TMEM164: variants seen among roughly 807,000 people sequenced by gnomAD.
TMEM164 encodes transmembrane protein 164.
TMEM164 carries 4 observed loss-of-function variants against 18.8 expected under a neutral mutation model. The ratio of observed to expected loss-of-function variants is 0.21; its 90% CI spans 0.10 to 0.49. The LOEUF is 0.49. TMEM164 is among the 20% of genes least tolerant of loss of function. The pLI is 0.98. For missense variants in TMEM164, 108 were observed against 239.9 expected, an observed-to-expected ratio of 0.45 and a Z score of 3.63; for synonymous variants, 86 against 101.7, an observed-to-expected ratio of 0.85 and a Z score of 0.93.
chrX:110,108,629 C>G (rs747936645), intron 3 of TMEM164, among the ~76,000 whole-genome samples: 39 of 111,870 alleles, frequency 3.5e-4, no homozygotes, highest in Non-Finnish European at 6.6e-4. Flanking sequence ...CTGTTTAGGT[C>G]TCTGTTTGGG....
At chrX:110,034,893 A>G in intron 2 of TMEM164, among the ~76,000 whole-genome samples, 1 of 105,408 alleles carries the variant, frequency 9.5e-6, no homozygotes, top group Non-Finnish European at 2.0e-5. Context: ...TGTAGCCATA[A>G]AAAATGATGA....
At chrX:110,161,287 C>T (rs1293920865) in intron 5 of TMEM164, among the ~76,000 whole-genome samples, 1 of 111,817 alleles carries the variant, frequency 8.9e-6, no homozygotes, top group Non-Finnish European at 1.9e-5. Context: ...CTCCTCCATA[C>T]CATTGAGCCC....
intron 4 of TMEM164, among the ~76,000 whole-genome samples, chrX:110,125,082 C>T (rs1400610045): frequency 8.9e-6 from 1 of 112,292 alleles, no homozygotes; most frequent in Admixed American, 9.5e-5. Flanking sequence ...AATAGCCTGT[C>T]TCAGAGCCTG....
intron 2 of TMEM164, among the ~76,000 whole-genome samples, chrX:110,064,454 G>A (rs1481485343): frequency 9.0e-6 from 1 of 111,669 alleles, no homozygotes; most frequent in Non-Finnish European, 1.9e-5. Flanking sequence ...GTTCCATGTG[G>A]CTCTGTTGGC....
At chrX:110,012,628 C>T (rs140091283) in intron 2 of TMEM164, among the ~76,000 whole-genome samples, 1,439 of 111,927 alleles carry the variant, frequency 0.013, 24 homozygotes, top group African/African-American at 0.043. Context: ...ATGCTGACCC[C>T]CAGGGTTTCA....
chrX:110,021,706 A>G (rs749520924), intron 2 of TMEM164, among the ~76,000 whole-genome samples: 10 of 111,990 alleles, frequency 8.9e-5, no homozygotes, highest in South Asian at 3.7e-4. Context: ...TCTCAGGCCA[A>G]TTAAGCCTCT....
intron 3 of TMEM164, among the ~76,000 whole-genome samples, chrX:110,077,309 G>A (rs2065686751): frequency 9.0e-6 from 1 of 111,573 alleles, no homozygotes; most frequent in African/African-American, 3.3e-5. Flanking sequence ...TTGCATGATA[G>A]ATTTCTCTCT....
chrX:110,182,046 A>C (rs772223393), downstream of TMEM164, among the ~76,000 whole-genome samples: 1 of 111,275 alleles, frequency 9.0e-6, no homozygotes, highest in African/African-American at 3.3e-5. Flanking sequence ...TTTTAACATC[A>C]CTAAAATTGG....
intron 3 of TMEM164, among the ~76,000 whole-genome samples, chrX:110,108,067 GCT>G (rs2066233792): frequency 2.6e-5 from 1 of 39,049 alleles, no homozygotes; most frequent in Admixed American, 3.2e-4. Context: ...TAGGAGGTAT[GCT>G]GTGTGTGTGT....
chrX:110,088,068 A>G (rs756589847), intron 3 of TMEM164, among the ~76,000 whole-genome samples: 33 of 112,277 alleles, frequency 2.9e-4, no homozygotes, highest in Non-Finnish European at 5.3e-4. Flanking sequence ...ATGACAGTGC[A>G]GTATCCCCAT....
intron 4 of TMEM164, among the ~76,000 whole-genome samples, chrX:110,132,812 T>G (rs2066631186): frequency 8.9e-6 from 1 of 112,052 alleles, no homozygotes; most frequent in South Asian, 3.7e-4. Flanking sequence ...CTCAGTTTTC[T>G]CATCTTCAAA....
chrX:110,015,974 G>T (rs1441823251), intron 2 of TMEM164, among the ~76,000 whole-genome samples: 3 of 112,478 alleles, frequency 2.7e-5, no homozygotes, highest in South Asian at 7.3e-4. Context: ...TTTCAGGGGG[G>T]TATTGTCTTG....
At chrX:110,121,424 G>A (rs925191838) in intron 4 of TMEM164, among the ~76,000 whole-genome samples, 1 of 111,918 alleles carries the variant, frequency 8.9e-6, no homozygotes, top group Non-Finnish European at 1.9e-5. Flanking sequence ...TGCCTATTCT[G>A]GACATTTCAT....
At chrX:110,158,857 T>C (rs1355474510) in intron 5 of TMEM164, among the ~76,000 whole-genome samples, 1 of 112,365 alleles carries the variant, frequency 8.9e-6, no homozygotes, top group Non-Finnish European at 1.9e-5. Context: ...TCCTCCTTAC[T>C]AGCTGTGTGA....
chrX:110,003,484 C>G lies in TMEM164; in HGVS notation c.-274-17C>G. The G allele has an allele frequency of 4.4e-4, 88 of 200,481 alleles. No homozygotes were observed. The highest frequency in any genetic ancestry group is 9.9e-4 in the East Asian group (13 of 13,081). The allele number at this position is 200,481 out of a possible 1,213,427, so 16.5% of individuals were successfully genotyped here. A position where few individuals can be genotyped will look rare whatever the true frequency, so the allele number is the denominator to read the frequency against. On this transcript the variant is annotated splice_polypyrimidine_tract_variant and intron_variant, in intron 1 of 6. Coordinates refer to ENST00000372068, the MANE Select transcript of TMEM164 (RefSeq NM_032227.4). ...TTTGAGACCTCTTTTTTTTTTTTTT[C>G]CTCTCCTTCCTTTTAGATTGGCCAA...
At chrX:110,106,371 A>G (rs1196658972) in intron 3 of TMEM164, among the ~76,000 whole-genome samples, 2 of 102,530 alleles carry the variant, frequency 2.0e-5, no homozygotes, top group African/African-American at 3.7e-5. Context: ...ACCAGAATCC[A>G]GCTTTTTTTT....
chrX:110,106,290 T>G (rs1367114955), intron 3 of TMEM164, among the ~76,000 whole-genome samples: 3 of 111,276 alleles, frequency 2.7e-5, no homozygotes, highest in Non-Finnish European at 5.6e-5. Flanking sequence ...ATTTAACTTT[T>G]GGTGTCCAAA....
chrX:110,127,883 G>A (rs776557090), intron 4 of TMEM164, among the ~76,000 whole-genome samples: 7 of 112,122 alleles, frequency 6.2e-5, no homozygotes, highest in African/African-American at 1.9e-4. Flanking sequence ...GTATGATAGA[G>A]CATGCTAGGT....
intron 4 of TMEM164, among the ~76,000 whole-genome samples, chrX:110,114,416 T>C (rs1365036840): frequency 8.9e-6 from 1 of 112,095 alleles, no homozygotes. Context: ...CTGATGGTGA[T>C]ACTGGGTTCC....
Sources: allele counts gnomAD v4.1 joint callset (sites outside exome capture counted in the v4.1 genomes callset), GRCh38; gene constraint gnomAD v4.1.1; transcripts MANE v1.5; gene names NCBI Gene and HGNC (gene_info 2026-07-23, HGNC 2026-07-21).